CNKSR2: variants seen among roughly 807,000 people sequenced by gnomAD.
CNKSR2 encodes CNK homolog protein 2.
A neutral mutation model predicts 84.4 loss-of-function variants in CNKSR2; 14 were observed. The ratio of observed to expected loss-of-function variants is 0.17; its 90% confidence interval spans 0.11 to 0.26. CNKSR2 has a LOEUF of 0.26. CNKSR2 is among the 10% of genes least tolerant of loss of function. The probability of loss-of-function intolerance (pLI) is 1.00; values close to 1 mark genes in which losing one functional copy is unlikely to be tolerated. For synonymous variants in CNKSR2, 275 were observed against 277.9 expected (o/e 0.99, Z 0.10); for missense variants, 485 against 771.2 (o/e 0.63, Z 4.40).
At chrX:21,465,692 C>T (rs1417643117) in intron 4 of CNKSR2, among the ~76,000 whole-genome samples, 1 of 110,984 alleles carries the variant, frequency 9.0e-6, no homozygotes, top group Non-Finnish European at 1.9e-5. Flanking sequence ...TACACTATTT[C>T]CCTTCACTAT....
chrX:21,646,871 A>G lies in CNKSR2; in HGVS notation c.2693-1960A>G, dbSNP rs749411957. 3.2e-4 allele frequency among the ~76,000 whole-genome samples: 36 copies of G among 112,084 alleles called. No individual in the cohort carries two copies. The Admixed American group carries it at 3.4e-3, about 11-fold the overall frequency. On this transcript the variant is annotated intron_variant, in intron 20 of 21. Coordinates refer to ENST00000379510, the MANE Select transcript of CNKSR2 (RefSeq NM_014927.5). ...ATTCCTCAGGGTTCTTTCCTGGCCT[A>G]TGATTTTCTGAAATAGACTTATGCT...
intron 9 of CNKSR2, among the ~76,000 whole-genome samples, chrX:21,517,635 G>T (rs979350942): frequency 3.5e-4 from 39 of 110,180 alleles, no homozygotes; most frequent in Non-Finnish European, 7.6e-5. Flanking sequence ...TTTCAGTCAG[G>T]ATATAATCTT....
At chrX:21,417,200 A>G (rs1377132371) in intron 1 of CNKSR2, among the ~76,000 whole-genome samples, 1 of 111,795 alleles carries the variant, frequency 8.9e-6, no homozygotes, top group African/African-American at 3.2e-5. Flanking sequence ...TGTATTGTTC[A>G]ATTTTCATGT....
At chrX:21,549,378 A>C (rs1313220083) in intron 11 of CNKSR2, among the ~76,000 whole-genome samples, 1 of 112,055 alleles carries the variant, frequency 8.9e-6, no homozygotes. Context: ...GACCTCTTCA[A>C]GGAGAACTAC....
At chrX:21,455,157 A>G (rs1197800775) in intron 4 of CNKSR2, among the ~76,000 whole-genome samples, 1 of 111,783 alleles carries the variant, frequency 8.9e-6, no homozygotes, top group Non-Finnish European at 1.9e-5. Context: ...GAAAAAAAGT[A>G]ATCTTAGTAT....
At chrX:21,623,989 T>G (rs2092612334) in intron 20 of CNKSR2, among the ~76,000 whole-genome samples, 1 of 111,736 alleles carries the variant, frequency 8.9e-6, no homozygotes, top group African/African-American at 3.2e-5. Flanking sequence ...GATTCACTGT[T>G]TAAACATCAA....
intron 4 of CNKSR2, among the ~76,000 whole-genome samples, chrX:21,465,796 G>C: frequency 9.0e-6 from 1 of 111,322 alleles, no homozygotes; most frequent in Admixed American, 9.6e-5. Context: ...TGAGCATTGT[G>C]ACCCACCAGG....
At chrX:21,649,117 G>T in intron 21 of CNKSR2, 90 bp downstream of exon 21, 1 of 651,853 alleles carries the variant, frequency 1.5e-6, no homozygotes, top group African/African-American at 2.2e-5. Context: ...AATACAAATT[G>T]GGGGCTGGGG....
intron 18 of CNKSR2, among the ~76,000 whole-genome samples, chrX:21,603,856 T>G (rs2092498997): frequency 8.9e-6 from 1 of 112,052 alleles, no homozygotes; most frequent in Non-Finnish European, 1.9e-5. Flanking sequence ...AAGTCTTTTT[T>G]TTTTCAAATT....
At chrX:21,466,951 C>T (rs1027599426) in intron 4 of CNKSR2, among the ~76,000 whole-genome samples, 2 of 111,305 alleles carry the variant, frequency 1.8e-5, no homozygotes, top group East Asian at 2.8e-4. Flanking sequence ...ACTAGCAAGC[C>T]GATCTTGCTG....
At chrX:21,608,978 C>T in intron 19 of CNKSR2, 93 bp from the exon 20 acceptor site, 1 of 1,110,934 alleles carries the variant, frequency 9.0e-7, no homozygotes, top group Non-Finnish European at 1.2e-6. Flanking sequence ...AGTTCATCTA[C>T]TTAAATATTA....
At chrX:21,559,139 T>C (rs895118235) in intron 11 of CNKSR2, among the ~76,000 whole-genome samples, 14 of 111,326 alleles carry the variant, frequency 1.3e-4, no homozygotes, top group Admixed American at 1.1e-3. Context: ...CCTGGATCTA[T>C]AGATGGCTGT....
intron 20 of CNKSR2, among the ~76,000 whole-genome samples, chrX:21,623,275 C>T (rs2092609617): frequency 9.0e-6 from 1 of 110,946 alleles, no homozygotes; most frequent in Non-Finnish European, 1.9e-5. Flanking sequence ...CATTTTAAGC[C>T]CTTTTACCTA....
chrX:21,532,134 A>G, intron 11 of CNKSR2, 67 bp downstream of exon 11: 1 of 867,053 alleles, frequency 1.2e-6, no homozygotes, highest in Non-Finnish European at 1.6e-6. Flanking sequence ...ATTTCCTTTA[A>G]TAAGTTTTTG....
chrX:21,421,035 C>T (rs1015032614), intron 1 of CNKSR2, among the ~76,000 whole-genome samples: 1 of 111,342 alleles, frequency 9.0e-6, no homozygotes, highest in Non-Finnish European at 1.9e-5. Context: ...CCATGGTGTC[C>T]AGGTTTGTGG....
At chrX:21,453,125 A>C (rs2090956976) in intron 4 of CNKSR2, among the ~76,000 whole-genome samples, 2 of 111,275 alleles carry the variant, frequency 1.8e-5, no homozygotes, top group Non-Finnish European at 3.8e-5. Context: ...ATGGAGAATA[A>C]TGTAAGAAGC....
chrX:21,463,934 G>C (rs186641194), intron 4 of CNKSR2, among the ~76,000 whole-genome samples: 1 of 111,747 alleles, frequency 8.9e-6, no homozygotes, highest in Non-Finnish European at 1.9e-5. Context: ...GGTTGATGCC[G>C]GTGCTCCCTT....
chrX:21,428,139 A>C (rs779793571), intron 2 of CNKSR2: 4 of 111,903 alleles, frequency 3.6e-5, no homozygotes, highest in Non-Finnish European at 7.5e-5. Context: ...AAAGGAAGAC[A>C]TCTTTGTTTA....
chrX:21,515,041 T>A (rs749469073), intron 8 of CNKSR2, among the ~76,000 whole-genome samples: 2 of 104,732 alleles, frequency 1.9e-5, no homozygotes, highest in East Asian at 3.0e-4. Flanking sequence ...TAATGTGATT[T>A]AAAAAAAAAA....
Sources: allele counts gnomAD v4.1 joint callset (sites outside exome capture counted in the v4.1 genomes callset), GRCh38; gene constraint gnomAD v4.1.1; transcripts MANE v1.5; gene names NCBI Gene and HGNC (gene_info 2026-07-23, HGNC 2026-07-21).